The following LEKR1 variants were observed in gnomAD, a reference collection of about 807,000 sequenced individuals.
LEKR1 encodes the protein protein LEKR1.
LEKR1 carries 59 observed loss-of-function variants against 72.4 expected under a neutral mutation model. The ratio of observed to expected loss-of-function variants is 0.82; its 90% CI spans 0.66 to 1.01. LEKR1 has a LOEUF of 1.01. Ranked by LOEUF, LEKR1 falls within the 50% of genes least tolerant of loss-of-function variation. The pLI, the probability that LEKR1 is intolerant of heterozygous loss-of-function variation, is 0.00. For missense variants in LEKR1, 728 were observed against 759.2 expected, an observed-to-expected ratio of 0.96 and a Z score of 0.48; for synonymous variants, 257 against 263.2, an observed-to-expected ratio of 0.98 and a Z score of 0.23.
intron 2 of LEKR1, among the ~76,000 whole-genome samples, chr3:156,831,174 T>C (rs1370334342): frequency 1.3e-5 from 2 of 152,016 alleles, no homozygotes; most frequent in African/African-American, 2.4e-5. Flanking sequence ...TAGAAAATGG[T>C]CCATGTGTGA....
chr3:157,032,306 A>G (rs1734674610), intron 12 of LEKR1, among the ~76,000 whole-genome samples: 1 of 152,220 alleles, frequency 6.6e-6, no homozygotes, highest in Non-Finnish European at 1.5e-5. Flanking sequence ...AAGGACAATC[A>G]GTACAGATAG....
At chr3:157,029,256 G>A (rs1044764299) in intron 12 of LEKR1, among the ~76,000 whole-genome samples, 3 of 151,962 alleles carry the variant, frequency 2.0e-5, no homozygotes. Flanking sequence ...CATAATCATT[G>A]TAATTATGTA....
rs1451123433 is a variant in LEKR1 at position 156,852,999 on chromosome 3, TTTTC to T, written c.263+19_263+22del. On this transcript the variant is annotated intron_variant, in intron 3 of 12. Transcript: ENST00000356539. ...AACAGAAAGGTTGAGTATGTTTTTC[TTTTC>T]TATCATTTATTTAGTTGAAAGACAG... 2.7e-6 allele frequency: 4 copies of T among 1,471,544 alleles called. No homozygotes were observed. In the African/African-American group the frequency reaches 4.2e-5, roughly 15 times the overall value. 91.2% of individuals were successfully genotyped at this position (1,471,544 alleles called of 1,614,324 possible).
At chr3:156,901,970 C>G (rs1283769592) in intron 3 of LEKR1, among the ~76,000 whole-genome samples, 1 of 152,220 alleles carries the variant, frequency 6.6e-6, no homozygotes, top group Admixed American at 6.5e-5. Flanking sequence ...ACGTGTGAGT[C>G]ACCACACCAG....
chr3:156,836,567 C>G (rs1477045508), intron 2 of LEKR1, among the ~76,000 whole-genome samples: 2 of 152,160 alleles, frequency 1.3e-5, no homozygotes, highest in Admixed American at 6.5e-5. Flanking sequence ...TTACTATACT[C>G]TAGCCAGGAC....
In LEKR1 at chr3:156,876,268, G is replaced by A. The variant is rs367585882; in HGVS notation, c.263+23286G>A. On this transcript the variant is annotated intron_variant, in intron 3 of 12. Coordinates refer to ENST00000356539, the MANE Select transcript of LEKR1 (RefSeq NM_001004316.3). Reference sequence around the variant, plus strand: ...ATAGTTTGAAGTTGGGTAATGTGATGTCTTCACATTTTTTCTTTTTGCCTA... The same window carrying A: ...ATAGTTTGAAGTTGGGTAATGTGATATCTTCACATTTTTTCTTTTTGCCTA... Among the ~76,000 whole-genome samples the A allele has an allele frequency of 4.6e-5, 7 of 152,224 alleles. No homozygotes were observed. In the East Asian group the frequency reaches 7.7e-4, roughly 17 times the overall value.
chr3:157,028,182 A>T lies in LEKR1; in HGVS notation c.1448A>T (p.His483Leu). Residue 483 changes from histidine (H) to leucine (L), a missense_variant, in exon 12 of 13, where the codon CAT becomes CTT. His to Leu is a moderately conservative substitution (Grantham distance 99). Transcript: ENST00000356539. ...TTLKEKLHKS[H>L]IRYTEESNSK... The stretch of plus-strand genomic sequence containing the variant: ...CTTAAAGAAAAACTTCACAAATCCC[A>T]TATTCGGTACACTGAAGAATCTAAT... 1 of 1,612,192 alleles carries T rather than the reference A, an allele frequency of 6.2e-7. No individual in the cohort carries two copies. The highest frequency in any genetic ancestry group is 1.7e-5 in the Admixed American group (1 of 59,836).
chr3:156,981,140 G>A (rs1243449977), intron 7 of LEKR1, among the ~76,000 whole-genome samples: 1 of 152,162 alleles, frequency 6.6e-6, no homozygotes, highest in East Asian at 1.9e-4. Flanking sequence ...TAGCCTACGT[G>A]TGTAGTAGGT....
At chr3:156,886,523 A>T (rs1720104479) in intron 3 of LEKR1, among the ~76,000 whole-genome samples, 3 of 151,850 alleles carry the variant, frequency 2.0e-5, no homozygotes, top group African/African-American at 7.3e-5. Flanking sequence ...GGAGCTTCCC[A>T]CTCCAATTCT....
rs185400812 is a variant in LEKR1, at chr3:156,883,984, A to G, written c.263+31002A>G. On this transcript the variant is annotated intron_variant, in intron 3 of 12. Transcript: ENST00000356539. ...AGTGTTAGGTACATATATATTTAGG[A>G]TTGTGATATTTTCTTACTGGACTAT... 4.6e-5 allele frequency among the ~76,000 whole-genome samples: 7 copies of G among 152,198 alleles called. No individual in the cohort carries two copies. In the East Asian group the frequency reaches 1.2e-3, roughly 25 times the overall value.
At chr3:156,973,628 A>C (rs1437451435) in intron 6 of LEKR1, among the ~76,000 whole-genome samples, 1 of 152,146 alleles carries the variant, frequency 6.6e-6, no homozygotes, top group Non-Finnish European at 1.5e-5. Context: ...AATTGCCAAT[A>C]TAGACCATCA....
Position 156,984,428 on chromosome 3 carries a change from AC to A in LEKR1, c.827+5154del, listed in dbSNP as rs1309559600. On this transcript the variant is annotated intron_variant, in intron 7 of 12. Transcript: ENST00000356539. ...GCAGTGCCTCATGCCTGTAATCTCA[AC>A]ACTTTGGGAGGCTGAGGCGGGTGGA... 3.3e-5 allele frequency among the ~76,000 whole-genome samples: 5 copies of A among 152,148 alleles called. No individual in the cohort carries two copies. In the East Asian group the frequency reaches 9.6e-4, roughly 29 times the overall value.
At chr3:156,906,750 C>A (rs1308415659) in intron 3 of LEKR1, among the ~76,000 whole-genome samples, 2 of 152,172 alleles carry the variant, frequency 1.3e-5, no homozygotes, top group African/African-American at 4.8e-5. Flanking sequence ...CCACACATCT[C>A]AGAGAGTTTA....
chr3:156,978,836 A>G (rs529822309), intron 6 of LEKR1, among the ~76,000 whole-genome samples: 1 of 152,316 alleles, frequency 6.6e-6, no homozygotes, highest in African/African-American at 2.4e-5. Context: ...TCAGGCAATC[A>G]TGTGTTTTAG....
intron 5 of LEKR1, among the ~76,000 whole-genome samples, chr3:156,940,190 T>C (rs1345693513): frequency 2.0e-5 from 3 of 152,104 alleles, no homozygotes; most frequent in African/African-American, 7.2e-5. Flanking sequence ...ATGGTAGAAA[T>C]TATGGGGGAA....
At chr3:157,025,202 C>A (rs532364653) in intron 11 of LEKR1, among the ~76,000 whole-genome samples, 1 of 152,034 alleles carries the variant, frequency 6.6e-6, no homozygotes, top group Non-Finnish European at 1.5e-5. Context: ...AAAATTAGTA[C>A]GGCTAGATAT....
intron 10 of LEKR1, among the ~76,000 whole-genome samples, chr3:157,011,967 C>T (rs1732925970): frequency 6.6e-6 from 1 of 151,844 alleles, no homozygotes; most frequent in Non-Finnish European, 1.5e-5. Context: ...ATTCAGCTTG[C>T]TATTATTTAC....
At chr3:156,896,292 A>G (rs1285272985) in intron 3 of LEKR1, among the ~76,000 whole-genome samples, 3 of 152,216 alleles carry the variant, frequency 2.0e-5, no homozygotes, top group Admixed American at 1.3e-4. Context: ...GCAAACCACC[A>G]TGGCACATGT....
chr3:157,026,230 G>A (rs914933458), intron 11 of LEKR1, among the ~76,000 whole-genome samples: 1 of 151,984 alleles, frequency 6.6e-6, no homozygotes, highest in African/African-American at 2.4e-5. Context: ...GCTCCACCGA[G>A]TCTCCCCCTT....
Sources: allele counts gnomAD v4.1 joint callset (sites outside exome capture counted in the v4.1 genomes callset), GRCh38; gene constraint gnomAD v4.1.1; transcripts MANE v1.5; gene names NCBI Gene and HGNC (gene_info 2026-07-23, HGNC 2026-07-21).